Variants in KIAA1217 observed in about 807,000 individuals in gnomAD.
The protein encoded by KIAA1217 is KIAA1217.
In KIAA1217, 88 loss-of-function variants were observed where a neutral mutation model predicts 163.9. The observed-to-expected ratio is 0.54, with a 90% CI of 0.45 to 0.64. KIAA1217 has a LOEUF of 0.64. Among genes scored for constraint, KIAA1217 ranks in the 30% least tolerant of loss-of-function variants. The probability of loss-of-function intolerance (pLI) is 0.00; values close to 1 mark genes in which losing one functional copy is unlikely to be tolerated. For missense variants in KIAA1217, 2,372 were observed against 2,475.0 expected (o/e 0.96, Z 0.88); for synonymous variants, 903 against 923.1 (o/e 0.98, Z 0.39).
At chr10:24,375,656 A>T (rs1163904481) in intron 2 of KIAA1217, among the ~76,000 whole-genome samples, 2 of 152,214 alleles carry the variant, frequency 1.3e-5, no homozygotes, top group Non-Finnish European at 2.9e-5. Context: ...ATGTCCTTTA[A>T]TGAGTGCTAG....
intron 2 of KIAA1217, among the ~76,000 whole-genome samples, chr10:24,370,044 T>A (rs2134457700): frequency 6.6e-6 from 1 of 152,218 alleles, no homozygotes; most frequent in South Asian, 2.1e-4. Context: ...GGCAGGTAGA[T>A]CACGAGGTCA....
chr10:23,732,401 T>A (rs1318225515), intron 1 of KIAA1217, among the ~76,000 whole-genome samples: 3 of 152,048 alleles, frequency 2.0e-5, no homozygotes, highest in Non-Finnish European at 4.4e-5. Context: ...AAAATAGAAA[T>A]TTAAAAATCA....
In KIAA1217 at chr10:24,018,615, T is replaced by C. The variant is rs569064951; in HGVS notation, c.-171+11241T>C. 4.0e-5 allele frequency among the ~76,000 whole-genome samples: 6 copies of C among 151,848 alleles called. No homozygotes were observed. The East Asian group carries it at 1.2e-3, about 29-fold the overall frequency. ...AATAAAATTAAAAACAAGTAGCATA[T>C]AGTAAGTATAGCCATTCTAGAAAAC... On this transcript the variant is annotated intron_variant, in intron 2 of 18. Transcript: ENST00000376462.
chr10:23,928,210 C>T (rs1843109938), intron 1 of KIAA1217, among the ~76,000 whole-genome samples: 1 of 152,132 alleles, frequency 6.6e-6, no homozygotes, highest in Admixed American at 6.5e-5. Context: ...CACAGGGTCC[C>T]CTGAGAGCAG....
intron 2 of KIAA1217, among the ~76,000 whole-genome samples, chr10:24,330,261 C>T (rs2045492746): frequency 6.8e-6 from 1 of 148,098 alleles, no homozygotes; most frequent in Non-Finnish European, 1.5e-5. Flanking sequence ...GCCCACACCA[C>T]TGCACTCCAG....
At chr10:24,300,932 C>G (rs1318025268) in intron 2 of KIAA1217, among the ~76,000 whole-genome samples, 1 of 152,140 alleles carries the variant, frequency 6.6e-6, no homozygotes, top group Non-Finnish European at 1.5e-5. Flanking sequence ...CATGCCTCTG[C>G]CTTCCGAATA....
intron 1 of KIAA1217, among the ~76,000 whole-genome samples, chr10:23,903,040 T>G (rs1052452760): frequency 2.6e-5 from 4 of 152,080 alleles, no homozygotes; most frequent in Non-Finnish European, 5.9e-5. Context: ...TTGCACTGTT[T>G]TTAATGAATC....
intron 8 of KIAA1217, among the ~76,000 whole-genome samples, chr10:24,498,723 G>A (rs1169481050): frequency 2.6e-5 from 4 of 152,208 alleles, no homozygotes; most frequent in African/African-American, 4.8e-5. Flanking sequence ...GAAGGCTGAT[G>A]TGGGAGGATC....
chr10:23,698,133 G>T (rs1193805853), intron 1 of KIAA1217, among the ~76,000 whole-genome samples: 1 of 152,176 alleles, frequency 6.6e-6, no homozygotes, highest in Non-Finnish European at 1.5e-5. Flanking sequence ...AAAATATGTT[G>T]ATGTAGAGCA....
intron 2 of KIAA1217, among the ~76,000 whole-genome samples, chr10:24,368,309 C>G (rs1353423956): frequency 2.0e-5 from 3 of 152,116 alleles, no homozygotes; most frequent in Non-Finnish European, 2.9e-5. Context: ...CTGCCATTAA[C>G]CTTTATTCCT....
intron 3 of KIAA1217, among the ~76,000 whole-genome samples, chr10:24,406,383 TCACACACAAACACACA>T (rs11271989): frequency 0.12 from 14,441 of 125,296 alleles, 1,457 homozygotes; most frequent in African/African-American, 0.3. Flanking sequence ...AAAGGTACAT[TCACACACAAACACACA>T]CACACACACA....
At chr10:23,839,860 C>T (rs976108897) in intron 1 of KIAA1217, among the ~76,000 whole-genome samples, 8 of 152,142 alleles carry the variant, frequency 5.3e-5, no homozygotes, top group African/African-American at 1.9e-4. Flanking sequence ...TCCCCCACCC[C>T]AATCAGATAG....
intron 3 of KIAA1217, among the ~76,000 whole-genome samples, chr10:24,382,921 C>T (rs1023678259): frequency 6.8e-6 from 1 of 147,414 alleles, no homozygotes; most frequent in Non-Finnish European, 1.5e-5. Flanking sequence ...GATCATGATT[C>T]ACTACAGCCT....
chr10:23,727,674 C>T (rs1471611220), intron 1 of KIAA1217, among the ~76,000 whole-genome samples: 1 of 152,054 alleles, frequency 6.6e-6, no homozygotes, highest in East Asian at 1.9e-4. Context: ...ACTTTAAGTT[C>T]TGGGGATACA....
chr10:23,946,838 A>G (rs1477018102), intron 1 of KIAA1217, among the ~76,000 whole-genome samples: 1 of 152,162 alleles, frequency 6.6e-6, no homozygotes, highest in Non-Finnish European at 1.5e-5. Flanking sequence ...ATACTATATG[A>G]CATGGTTTTG....
intron 1 of KIAA1217, among the ~76,000 whole-genome samples, chr10:23,822,050 G>A (rs1048755610): frequency 2.0e-5 from 3 of 152,108 alleles, no homozygotes; most frequent in Admixed American, 1.3e-4. Flanking sequence ...GTAAGAGCGG[G>A]TGCAGGCACC....
At chr10:23,904,746 G>A (rs925731071) in intron 1 of KIAA1217, among the ~76,000 whole-genome samples, 1 of 152,064 alleles carries the variant, frequency 6.6e-6, no homozygotes. Context: ...AGAAGGAAAT[G>A]AGAAAATAAA....
chr10:23,875,392 C>T (rs1370491282), intron 1 of KIAA1217, among the ~76,000 whole-genome samples: 1 of 151,944 alleles, frequency 6.6e-6, no homozygotes, highest in Non-Finnish European at 1.5e-5. Context: ...CCTTGACAAG[C>T]TTGGCTGGTT....
chr10:24,385,634 A>G (rs929517412), intron 3 of KIAA1217, among the ~76,000 whole-genome samples: 3 of 152,214 alleles, frequency 2.0e-5, no homozygotes, highest in Non-Finnish European at 2.9e-5. Context: ...CCAACAACCT[A>G]TCGTGTCTAA....
Sources: gnomAD v4.1 joint callset for allele counts (sites outside exome capture counted in the v4.1 genomes callset) on GRCh38, gnomAD v4.1.1 for gene constraint, MANE v1.5 for transcripts, NCBI Gene and HGNC (gene_info 2026-07-23, HGNC 2026-07-21) for gene names.